NRG3: variants seen among roughly 807,000 people sequenced by gnomAD.
NRG3 encodes the protein neuregulin 3.
In NRG3, 31 loss-of-function variants were observed where a neutral mutation model predicts 66.9. The observed-to-expected ratio is 0.46, with a 90% CI of 0.35 to 0.63. The LOEUF (loss-of-function observed/expected upper bound fraction) is 0.63. Ranked by LOEUF, NRG3 falls within the 20% of genes least tolerant of loss-of-function variation. The pLI, the probability that NRG3 is intolerant of heterozygous loss-of-function variation, is 0.00. For synonymous variants in NRG3, 393 were observed against 359.4 expected (o/e 1.09, Z -1.06); for missense variants, 910 against 878.9 (o/e 1.04, Z -0.45).
At chr10:82,856,756 C>CAAAAAAAAAAAAAAAAAAAAAAAAAA (rs67224862) in intron 3 of NRG3, among the ~76,000 whole-genome samples, 3 of 107,476 alleles carry the variant, frequency 2.8e-5, no homozygotes, top group African/African-American at 3.6e-5. Flanking sequence ...AAAAAAAAAA[C>CAAAAAAAAAAAAAAAAAAAAAAAAAA]AAAAAAAAAA....
intron 1 of NRG3, among the ~76,000 whole-genome samples, chr10:82,252,799 C>T (rs1046951953): frequency 6.6e-6 from 1 of 152,058 alleles, no homozygotes; most frequent in Admixed American, 6.5e-5. Flanking sequence ...ATAGTGGGTA[C>T]AGAATAATGC....
intron 2 of NRG3, among the ~76,000 whole-genome samples, chr10:82,396,372 T>C (rs559904863): frequency 2.0e-5 from 3 of 152,336 alleles, no homozygotes; most frequent in Non-Finnish European, 4.4e-5. Flanking sequence ...AGTGCTCCTA[T>C]AATTTCATTT....
At chr10:82,399,877 AT>A (rs1322458556) in intron 2 of NRG3, among the ~76,000 whole-genome samples, 3 of 152,162 alleles carry the variant, frequency 2.0e-5, no homozygotes, top group Admixed American at 2.0e-4. Flanking sequence ...CCTTTATTTA[AT>A]TTAGCATTTG....
chr10:81,879,142 TTTCTTCAGCG>T lies in NRG3; in HGVS notation c.823+2983_823+2992del, dbSNP rs536076768. Among the ~76,000 whole-genome samples the T allele has an allele frequency of 3.3e-5, 5 of 152,304 alleles. No individual in the cohort carries two copies. The South Asian group carries it at 8.3e-4, about 25-fold the overall frequency. On this transcript the variant is annotated intron_variant, in intron 1 of 8. Transcript: ENST00000372141. ...TTTAGGCCGTGAGCTGGACCAAAAC[TTTCTTCAGCG>T]TTCCTGGGATTCTTGGGTTTCCACT...
chr10:82,740,468 A>G (rs1486653037), intron 3 of NRG3, among the ~76,000 whole-genome samples: 1 of 152,134 alleles, frequency 6.6e-6, no homozygotes, highest in Non-Finnish European at 1.5e-5. Context: ...CTCGTAGAAC[A>G]AAATGGTCCC....
intron 3 of NRG3, among the ~76,000 whole-genome samples, chr10:82,748,652 G>A (rs2058737973): frequency 6.7e-6 from 1 of 149,512 alleles, no homozygotes; most frequent in Admixed American, 6.7e-5. Flanking sequence ...TTAAAAGAAT[G>A]ACAATAATGA....
intron 2 of NRG3, among the ~76,000 whole-genome samples, chr10:82,562,205 AATCACC>A (rs1364176758): frequency 3.9e-5 from 6 of 152,140 alleles, no homozygotes; most frequent in Non-Finnish European, 5.9e-5. Flanking sequence ...TTCAATCAAC[AATCACC>A]ATCATCTTCG....
chr10:82,178,302 C>T (rs75430193), intron 1 of NRG3, among the ~76,000 whole-genome samples: 2,937 of 152,214 alleles, frequency 0.019, 36 homozygotes, highest in Non-Finnish European at 0.024. Flanking sequence ...ACTATAAGCA[C>T]GATGAGGTAC....
rs188467800 is a variant in NRG3, at chr10:82,609,123, A to G, written c.954-129454A>G. ...ACACTTTACCATATGTGATTGACAA[A>G]TTTATGACGTTAGAAAAGGAAGACA... On this transcript the variant is annotated intron_variant, in intron 2 of 8. Coordinates refer to ENST00000372141, the MANE Select transcript of NRG3 (RefSeq NM_001010848.4). 7.2e-5 allele frequency among the ~76,000 whole-genome samples: 11 copies of G among 152,324 alleles called. No individual in the cohort carries two copies. In the East Asian group the frequency reaches 2.1e-3, roughly 29 times the overall value.
At chr10:82,670,926 T>C (rs1192663962) in intron 2 of NRG3, among the ~76,000 whole-genome samples, 2 of 152,156 alleles carry the variant, frequency 1.3e-5, no homozygotes, top group Non-Finnish European at 2.9e-5. Context: ...CCATCAATTC[T>C]CATCCTCCTT....
intron 1 of NRG3, among the ~76,000 whole-genome samples, chr10:82,130,500 G>C (rs900696001): frequency 4.6e-5 from 7 of 152,086 alleles, no homozygotes; most frequent in Non-Finnish European, 8.8e-5. Flanking sequence ...CAATAAACAT[G>C]GGTGTGTGGA....
At chr10:82,740,441 ATAATGAC>A (rs1459993610) in intron 3 of NRG3, among the ~76,000 whole-genome samples, 1 of 152,164 alleles carries the variant, frequency 6.6e-6, no homozygotes, top group Non-Finnish European at 1.5e-5. Flanking sequence ...GGGGGTCACC[ATAATGAC>A]TATTCTCTCC....
At chr10:82,021,783 AGTATGTGTGTGTGT>A (rs56078327) in intron 1 of NRG3, among the ~76,000 whole-genome samples, 59,929 of 146,316 alleles carry the variant, frequency 0.41, 12,852 homozygotes, top group South Asian at 0.56. Context: ...TTGGGCATGT[AGTATGTGTGTGTGT>A]GTGTGTGTGT....
chr10:82,855,426 G>A (rs750878994), intron 3 of NRG3, among the ~76,000 whole-genome samples: 56 of 151,800 alleles, frequency 3.7e-4, no homozygotes, highest in Non-Finnish European at 7.1e-4. Flanking sequence ...AAGAGACAGT[G>A]TCACTCTGTT....
At chr10:82,263,637 C>T (rs1407407139) in intron 1 of NRG3, among the ~76,000 whole-genome samples, 2 of 152,100 alleles carry the variant, frequency 1.3e-5, no homozygotes, top group African/African-American at 4.8e-5. Flanking sequence ...CACTCATATA[C>T]ACACTTACAC....
Position 82,985,981 on chromosome 10 carries a change from A to T in NRG3, c.*376A>T, listed in dbSNP as rs1853407699. ...GAGGAGAGCTGCATCCCGCAGGTGGATGCACCAGTGAGCAGGTGGCTCTTG... is the reference window on the plus strand; with the variant it reads ...GAGGAGAGCTGCATCCCGCAGGTGGTTGCACCAGTGAGCAGGTGGCTCTTG... On this transcript the variant is annotated 3_prime_UTR_variant, in exon 9 of 9. Transcript: ENST00000372141. 1 of 179,510 alleles carries T rather than the reference A, an allele frequency of 5.6e-6. No individual in the cohort carries two copies. The highest frequency in any genetic ancestry group is 2.4e-5 in the African/African-American group (1 of 41,788). The allele number at this position is 179,510 out of a possible 1,614,324, so 11.1% of individuals were successfully genotyped here. A position where few individuals can be genotyped will look rare whatever the true frequency, so the allele number is the denominator to read the frequency against.
intron 1 of NRG3, among the ~76,000 whole-genome samples, chr10:82,254,509 T>C (rs1461281934): frequency 6.6e-6 from 1 of 152,208 alleles, no homozygotes; most frequent in East Asian, 1.9e-4. Flanking sequence ...GCTTGGTTTG[T>C]AATACCATTC....
chr10:82,489,777 T>C (rs1842949656), intron 2 of NRG3, among the ~76,000 whole-genome samples: 1 of 152,150 alleles, frequency 6.6e-6, no homozygotes, highest in Non-Finnish European at 1.5e-5. Flanking sequence ...CTTATCAAAA[T>C]CTATTGAAAA....
chr10:82,859,498 G>A (rs1310868874), intron 3 of NRG3, among the ~76,000 whole-genome samples: 11 of 152,120 alleles, frequency 7.2e-5, no homozygotes, highest in Admixed American at 7.2e-4. Context: ...TGGAATCAAG[G>A]CAACGATGTT....
Sources: gnomAD v4.1 joint callset for allele counts (sites outside exome capture counted in the v4.1 genomes callset) on GRCh38, gnomAD v4.1.1 for gene constraint, MANE v1.5 for transcripts, NCBI Gene and HGNC (gene_info 2026-07-23, HGNC 2026-07-21) for gene names.